PANK1: variants seen among roughly 807,000 people sequenced by gnomAD.
PANK1 encodes pantothenic acid kinase 1.
Under a neutral mutation model 40.1 loss-of-function variants are expected in PANK1, and 18 were observed. That is an observed-to-expected ratio of 0.45 (90% CI 0.31 to 0.67). PANK1 has a LOEUF of 0.67. PANK1 is among the 30% of genes least tolerant of loss of function. PANK1 has a pLI of 0.06. For missense variants in PANK1, 457 were observed against 599.6 expected (o/e 0.76, Z 2.48); for synonymous variants, 242 against 237.7 (o/e 1.02, Z -0.17).
At chr10:89,626,120 G>A (rs1845653226) in intron 1 of PANK1, 1 of 152,168 alleles carries the variant, frequency 6.6e-6, no homozygotes, top group Admixed American at 6.5e-5. Context: ...ATGGTAGGCA[G>A]ATGAAATTTG....
intron 1 of PANK1, among the ~76,000 whole-genome samples, chr10:89,622,417 T>C (rs1321892605): frequency 6.6e-6 from 1 of 152,240 alleles, no homozygotes; most frequent in Non-Finnish European, 1.5e-5. Flanking sequence ...ACTGGTATAA[T>C]CTTTCTATGG....
intron 1 of PANK1, among the ~76,000 whole-genome samples, chr10:89,617,936 A>T (rs1845369337): frequency 6.6e-6 from 1 of 152,074 alleles, no homozygotes; most frequent in African/African-American, 2.4e-5. Context: ...GACCTAAAAA[A>T]CCTCTGGAGC....
chr10:89,592,079 C>T (rs943764519), intron 5 of PANK1, among the ~76,000 whole-genome samples: 2 of 152,162 alleles, frequency 1.3e-5, no homozygotes, highest in African/African-American at 4.8e-5. Flanking sequence ...ACATTGAGTC[C>T]CATGACTCAA....
intron 6 of PANK1, among the ~76,000 whole-genome samples, chr10:89,587,884 T>G (rs558250061): frequency 2.0e-5 from 3 of 152,354 alleles, no homozygotes; most frequent in African/African-American, 7.2e-5. Flanking sequence ...TGTGAAATAA[T>G]TAAAGCAAGC....
intron 3 of PANK1, among the ~76,000 whole-genome samples, chr10:89,598,390 T>A (rs1472499757): frequency 1.3e-5 from 2 of 152,214 alleles, no homozygotes; most frequent in Non-Finnish European, 1.5e-5. Flanking sequence ...TGACACGATA[T>A]CTGCATCTAT....
At chr10:89,596,713 C>A (rs893877151) in intron 3 of PANK1, among the ~76,000 whole-genome samples, 6 of 152,182 alleles carry the variant, frequency 3.9e-5, no homozygotes, top group African/African-American at 1.2e-4. Flanking sequence ...AGAATATTAT[C>A]ATCATTTAAA....
Position 89,611,676 on chromosome 10 carries a change from C to T in PANK1, c.645+20G>A. The T allele has an allele frequency of 1.3e-6, 2 of 1,554,958 alleles. No homozygotes were observed. Among genetic ancestry groups the T allele is most frequent in the Non-Finnish European group, 1.8e-6 (2 of 1,140,884 alleles). On this transcript the variant is annotated intron_variant, in intron 2 of 6. Coordinates refer to ENST00000307534, the MANE Select transcript of PANK1 (RefSeq NM_148977.3). ...CATGTGAGAGGTTTTGATGTTTTAACAAAGACAAACCCGACCTACCATTCT... is the reference window on the plus strand; with the variant it reads ...CATGTGAGAGGTTTTGATGTTTTAATAAAGACAAACCCGACCTACCATTCT...
intron 1 of PANK1, among the ~76,000 whole-genome samples, chr10:89,642,572 TACTC>T (rs1247717621): frequency 6.6e-6 from 1 of 152,246 alleles, no homozygotes; most frequent in Non-Finnish European, 1.5e-5. Context: ...AGTATGTAAA[TACTC>T]ACAGAGTACC....
rs562910304 is a variant in PANK1, at chr10:89,603,409, A to C, written c.646-3904T>G. 5.3e-5 allele frequency among the ~76,000 whole-genome samples: 8 copies of C among 152,226 alleles called. No individual in the cohort carries two copies. In the South Asian group the frequency reaches 1.7e-3, roughly 32 times the overall value. On this transcript the variant is annotated intron_variant, in intron 2 of 6. Coordinates refer to ENST00000307534, the MANE Select transcript of PANK1 (RefSeq NM_148977.3). ...TTAGGTTAAATTTAAGCCACTCCTC[A>C]AACTTAAAAACAACAAAACAAAGCT...
At chr10:89,579,826 T>A (rs1438388359), downstream of PANK1, 3 of 152,250 alleles carry the variant, frequency 2.0e-5, no homozygotes, top group African/African-American at 7.2e-5. Context: ...ATTAACCAAA[T>A]GTAAGCCTAA....
At chr10:89,645,242 TG>T, upstream of PANK1, 1 of 1,604,032 alleles carries the variant, frequency 6.2e-7, no homozygotes, top group Non-Finnish European at 8.5e-7. Context: ...CCTCCCAGAC[TG>T]GTCCCCGCCA....
At chr10:89,643,025 A>G (rs1842011371) in intron 1 of PANK1, among the ~76,000 whole-genome samples, 6 of 152,176 alleles carry the variant, frequency 3.9e-5, no homozygotes, top group Admixed American at 3.9e-4. Flanking sequence ...GTTAAGGCTC[A>G]GGTTAGTTTT....
At chr10:89,614,582 G>A (rs7916228) in intron 1 of PANK1, among the ~76,000 whole-genome samples, 82,458 of 151,838 alleles carry the variant, frequency 0.54, 23,245 homozygotes, top group South Asian at 0.63. Context: ...CAGATCGCTT[G>A]AGTCCAGGAG....
intron 1 of PANK1, among the ~76,000 whole-genome samples, chr10:89,624,111 G>A (rs1180217489): frequency 6.6e-6 from 1 of 152,090 alleles, no homozygotes; most frequent in Non-Finnish European, 1.5e-5. Context: ...TATTTGAGAG[G>A]GAAAAAGAGA....
chr10:89,599,590 G>T, intron 2 of PANK1, 85 bp from the exon 3 acceptor site: 2 of 1,303,138 alleles, frequency 1.5e-6, no homozygotes, highest in Non-Finnish European at 2.1e-6. Context: ...TTTAAGATGG[G>T]GTCATTCACA....
At chr10:89,639,136 T>C (rs1325463180) in intron 1 of PANK1, 6 of 415,876 alleles carry the variant, frequency 1.4e-5, no homozygotes, top group Non-Finnish European at 3.0e-5. Flanking sequence ...GAACAGAAAT[T>C]TATTTGGCTT....
At chr10:89,586,908 C>G (rs1450221607) in intron 6 of PANK1, among the ~76,000 whole-genome samples, 2 of 152,144 alleles carry the variant, frequency 1.3e-5, no homozygotes, top group Non-Finnish European at 2.9e-5. Context: ...GGGTGGATTA[C>G]CTGAGGTCAG....
chr10:89,603,824 T>C (rs1844858227), intron 2 of PANK1, among the ~76,000 whole-genome samples: 1 of 152,146 alleles, frequency 6.6e-6, no homozygotes, highest in South Asian at 2.1e-4. Flanking sequence ...AAAGGGGCCA[T>C]CTATGAGTGG....
At chr10:89,585,838 C>G (rs1210072745) in intron 6 of PANK1, among the ~76,000 whole-genome samples, 1 of 152,218 alleles carries the variant, frequency 6.6e-6, no homozygotes, top group African/African-American at 2.4e-5. Flanking sequence ...CAAAAGTTGT[C>G]TCTCCATAAT....
Sources: gnomAD v4.1 joint callset for allele counts (sites outside exome capture counted in the v4.1 genomes callset) on GRCh38, gnomAD v4.1.1 for gene constraint, MANE v1.5 for transcripts, NCBI Gene and HGNC (gene_info 2026-07-23, HGNC 2026-07-21) for gene names.